The following CELF2 variants were observed in gnomAD, a reference collection of about 807,000 sequenced individuals.
CELF2 encodes the protein CUG triplet repeat RNA-binding protein 2.
In CELF2, 8 loss-of-function variants were observed where a neutral mutation model predicts 62.6. The observed-to-expected ratio is 0.13, with a 90% CI of 0.07 to 0.23. The LOEUF (loss-of-function observed/expected upper bound fraction) is 0.23, where lower values mean the gene tolerates loss of function less well. CELF2 is among the 10% of genes least tolerant of loss of function. CELF2 has a pLI of 1.00. For missense variants in CELF2, 333 were observed against 671.0 expected (o/e 0.50, Z 5.56); for synonymous variants, 258 against 250.0 (o/e 1.03, Z -0.30).
the CELF2 span, among the ~76,000 whole-genome samples, chr10:10,758,396 T>C: frequency 1.3e-5 from 2 of 152,198 alleles, no homozygotes; most frequent in Non-Finnish European, 2.9e-5. Context: ...TACGACTCTT[T>C]GGCAGTCTTA....
In CELF2 at chr10:10,972,331, C is replaced by T. The variant is rs1210441875; in HGVS notation, c.89+52332C>T. Among the ~76,000 whole-genome samples, 2 of 152,186 alleles carry T rather than the reference C, an allele frequency of 1.3e-5. No individual in the cohort carries two copies. Among genetic ancestry groups the T allele is most frequent in the Non-Finnish European group, 2.9e-5 (2 of 68,040 alleles). ...TATCATCATCCCCTGTAAAAATTCA[C>T]AATAGAAATTAGCAAGCTGTTTTGC... is the stretch of plus-strand genomic sequence containing the variant. On this transcript the variant is annotated intron_variant, in intron 2 of 13. Coordinates refer to the CELF2 transcript ENST00000636488. The surrounding 1 kb of genome is among the most constrained non-coding windows in gnomAD (Gnocchi z 4.4).
intron 1 of CELF2, among the ~76,000 whole-genome samples, chr10:11,036,788 A>G (rs1358834669): frequency 6.6e-6 from 1 of 152,174 alleles, no homozygotes; most frequent in African/African-American, 2.4e-5. Flanking sequence ...AAGCATCAGT[A>G]TGGCCTGGGT....
At chr10:10,497,199 A>T in the CELF2 span, among the ~76,000 whole-genome samples, 1 of 131,946 alleles carries the variant, frequency 7.6e-6, no homozygotes, top group Non-Finnish European at 1.6e-5. Flanking sequence ...TCTAAAAAAA[A>T]AAAAAAGATA....
chr10:10,677,913 A>G, the CELF2 span, among the ~76,000 whole-genome samples: 1 of 152,216 alleles, frequency 6.6e-6, no homozygotes, highest in African/African-American at 2.4e-5. Context: ...AGATGAAGGC[A>G]AGTAATGCAA....
the CELF2 span, among the ~76,000 whole-genome samples, chr10:10,697,752 G>A: frequency 2.2e-3 from 331 of 152,096 alleles, 3 homozygotes; most frequent in African/African-American, 7.5e-3. Flanking sequence ...CCCAAAGGCC[G>A]CACCCCCCCA....
chr10:11,002,459 A>G (rs561463545), upstream of CELF2, among the ~76,000 whole-genome samples: 2 of 152,284 alleles, frequency 1.3e-5, no homozygotes, highest in South Asian at 4.1e-4. This position sits in a 1 kb window ranked among gnomAD's most constrained non-coding sequence, Gnocchi z 4.4. Context: ...CTTAAAAACT[A>G]TGCTTTGCTG....
In CELF2 at chr10:11,073,387, C is replaced by T. The variant is rs188507032; in HGVS notation, c.74+55224C>T. Among the ~76,000 whole-genome samples the T allele has an allele frequency of 1.2e-4, 19 of 152,248 alleles. No homozygotes were observed. In the East Asian group the frequency reaches 2.9e-3, roughly 23 times the overall value. On this transcript the variant is annotated intron_variant, in intron 1 of 12. Coordinates refer to ENST00000633077, the MANE Select transcript of CELF2 (RefSeq NM_001326342.2). ...TTAACGATTTCTGGGAATATAGACACGTTTATTTAAAGTAGAGGAATGGCA... is the reference window on the plus strand; with the variant it reads ...TTAACGATTTCTGGGAATATAGACATGTTTATTTAAAGTAGAGGAATGGCA...
chr10:11,135,541 A>G (rs1474737297), intron 1 of CELF2, among the ~76,000 whole-genome samples: 1 of 152,260 alleles, frequency 6.6e-6, no homozygotes, highest in African/African-American at 2.4e-5. Flanking sequence ...CCTATGAAAT[A>G]TGCTACAGGA....
At chr10:10,573,453 A>C in the CELF2 span, among the ~76,000 whole-genome samples, 37,877 of 151,942 alleles carry the variant, frequency 0.25, 4,884 homozygotes, top group African/African-American at 0.31. Context: ...CTTGACTGCA[A>C]TGACTTTCAA....
At chr10:10,524,925 T>G in the CELF2 span, among the ~76,000 whole-genome samples, 2 of 152,202 alleles carry the variant, frequency 1.3e-5, no homozygotes, top group African/African-American at 4.8e-5. Flanking sequence ...TATGCATATA[T>G]GTTTCTGATA....
At chr10:10,981,928 C>CCCTCT (rs1158172112) in intron 2 of CELF2, among the ~76,000 whole-genome samples, 1 of 151,766 alleles carries the variant, frequency 6.6e-6, no homozygotes, top group East Asian at 1.9e-4. Context: ...GCCTGGTAGA[C>CCCTCT]CCTCTCCTCG....
the CELF2 span, among the ~76,000 whole-genome samples, chr10:10,602,372 G>A: frequency 2.0e-5 from 3 of 152,012 alleles, no homozygotes; most frequent in East Asian, 1.9e-4. Context: ...CTGACATACC[G>A]GGGTTCACTC....
chr10:10,807,316 A>T (rs1275134261), intron 1 of CELF2, among the ~76,000 whole-genome samples: 2 of 152,222 alleles, frequency 1.3e-5, no homozygotes, highest in South Asian at 4.1e-4. Flanking sequence ...CCTGTAAGCC[A>T]GGTATCAGCC....
At chr10:11,278,179 G>A (rs556816701) in intron 8 of CELF2, among the ~76,000 whole-genome samples, 8 of 152,146 alleles carry the variant, frequency 5.3e-5, no homozygotes, top group East Asian at 1.9e-4. Context: ...TGAATGAGAC[G>A]TCAGCTATAC....
At chr10:10,718,787 A>G in the CELF2 span, among the ~76,000 whole-genome samples, 1 of 152,060 alleles carries the variant, frequency 6.6e-6, no homozygotes, top group African/African-American at 2.4e-5. Context: ...CAGGTTTCCT[A>G]TAAATGGTAA....
intron 1 of CELF2, among the ~76,000 whole-genome samples, chr10:10,800,690 G>A (rs1047179336): frequency 2.6e-5 from 4 of 151,990 alleles, no homozygotes; most frequent in Admixed American, 6.6e-5. Flanking sequence ...TTTTACTTTC[G>A]TTAAATAATT....
intron 1 of CELF2, among the ~76,000 whole-genome samples, chr10:11,161,510 G>T (rs1024798065): frequency 6.6e-6 from 1 of 152,216 alleles, no homozygotes; most frequent in African/African-American, 2.4e-5. Context: ...GGCACCTTTT[G>T]TGTGACATTG....
intron 1 of CELF2, among the ~76,000 whole-genome samples, chr10:10,867,320 G>T (rs979465774): frequency 6.6e-6 from 1 of 152,298 alleles, no homozygotes; most frequent in South Asian, 2.1e-4. Context: ...CCTCCATTGT[G>T]AACCATCTTC....
At chr10:10,598,571 A>C in the CELF2 span, among the ~76,000 whole-genome samples, 2 of 152,122 alleles carry the variant, frequency 1.3e-5, no homozygotes, top group Non-Finnish European at 2.9e-5. Context: ...GACACAATAC[A>C]TATGCATGTC....
Sources: gnomAD v4.1 joint callset for allele counts (sites outside exome capture counted in the v4.1 genomes callset) on GRCh38, gnomAD v4.1.1 for gene constraint, Gnocchi (gnomAD v3.1) non-coding constraint, MANE v1.5 for transcripts, NCBI Gene and HGNC (gene_info 2026-07-23, HGNC 2026-07-21) for gene names.